Variants in NTSR2 observed in about 807,000 individuals in gnomAD.
NTSR2 encodes the protein neurotensin receptor type 2.
A neutral mutation model predicts 24.1 loss-of-function variants in NTSR2; 22 were observed. The observed-to-expected ratio is 0.91, with a 90% CI of 0.65 to 1.30. NTSR2 has a LOEUF of 1.30. Ranked by LOEUF, NTSR2 falls within the 50% of genes most tolerant of loss-of-function variation. NTSR2 has a pLI of 0.00. For synonymous variants in NTSR2, 291 were observed against 267.0 expected, an observed-to-expected ratio of 1.09 and a Z score of -0.88; for missense variants, 570 against 570.4, an observed-to-expected ratio of 1.00 and a Z score of 0.01.
At chr2:11,668,024 C>T (rs1246978110) in intron 1 of NTSR2, among the ~76,000 whole-genome samples, 1 of 152,140 alleles carries the variant, frequency 6.6e-6, no homozygotes, top group African/African-American at 2.4e-5. Flanking sequence ...GAGGATGACT[C>T]GGTGGCCTCT....
At chr2:11,662,447 GA>G (rs535336606) in intron 1 of NTSR2, among the ~76,000 whole-genome samples, 2 of 151,670 alleles carry the variant, frequency 1.3e-5, no homozygotes, top group Non-Finnish European at 2.9e-5. Flanking sequence ...GTTCCAGGAA[GA>G]AAAAAAATAG....
chr2:11,662,426 T>C (rs1661094599), intron 1 of NTSR2, among the ~76,000 whole-genome samples, 186 bp from the exon 2 acceptor site: 2 of 151,998 alleles, frequency 1.3e-5, no homozygotes, highest in African/African-American at 4.8e-5. Flanking sequence ...TATAGGATGT[T>C]CATAATAGGG....
chr2:11,667,206 A>G (rs1203898958), intron 1 of NTSR2, among the ~76,000 whole-genome samples: 1 of 152,066 alleles, frequency 6.6e-6, no homozygotes, highest in African/African-American at 2.4e-5. Flanking sequence ...CCTTGCTTCA[A>G]TTTTTTATTT....
At chr2:11,660,795 C>T (rs1176904247) in intron 2 of NTSR2, among the ~76,000 whole-genome samples, 1 of 152,198 alleles carries the variant, frequency 6.6e-6, no homozygotes, top group East Asian at 1.9e-4. Context: ...GCCTCTTGCT[C>T]CTTTAGTCCT....
chr2:11,660,792 G>C (rs1329219269), intron 2 of NTSR2, among the ~76,000 whole-genome samples: 1 of 152,182 alleles, frequency 6.6e-6, no homozygotes, highest in African/African-American at 2.4e-5. Flanking sequence ...AAAGCCTCTT[G>C]CTCCTTTAGT....
At chr2:11,660,193 C>G (rs1661042657) in intron 2 of NTSR2, 60 bp from the exon 3 acceptor site, 11 of 1,341,334 alleles carry the variant, frequency 8.2e-6, no homozygotes, top group Non-Finnish European at 1.2e-5. Context: ...TTCTCAGTTA[C>G]ACCATTGCAA....
In NTSR2 at chr2:11,658,377, G is replaced by C; in HGVS notation, c.*102C>G. ...AGCAGGGGTTGATAGAAGTCGCCCT[G>C]GCTGCGAAGCTTGAATGATTAGTGA... On this transcript the variant is annotated 3_prime_UTR_variant, in exon 4 of 4. Coordinates refer to ENST00000306928, the MANE Select transcript of NTSR2 (RefSeq NM_012344.4). The C allele has an allele frequency of 6.8e-7, 1 of 1,479,380 alleles. No individual in the cohort carries two copies. Among genetic ancestry groups the C allele is most frequent in the Non-Finnish European group, 9.1e-7 (1 of 1,104,024 alleles). 91.6% of individuals were successfully genotyped at this position (1,479,380 alleles called of 1,614,324 possible).
chr2:11,669,322 A>G (rs890096936), intron 1 of NTSR2, among the ~76,000 whole-genome samples, 184 bp downstream of exon 1: 1 of 152,202 alleles, frequency 6.6e-6, no homozygotes, highest in Non-Finnish European at 1.5e-5. Flanking sequence ...ACTTCTCTCA[A>G]TGCTTCACTT....
In NTSR2 at chr2:11,669,043, A is replaced by G. The variant is rs963187285; in HGVS notation, c.624+463T>C. Among the ~76,000 whole-genome samples the G allele has an allele frequency of 2.6e-5, 4 of 152,160 alleles. No homozygotes were observed. The South Asian group carries it at 8.3e-4, about 31-fold the overall frequency. ...AGGCTGCCAGGGAGACGGTAACAGG[A>G]AATGAGGTTAGAAGCCTGATCAGGC... On this transcript the variant is annotated intron_variant, in intron 1 of 3. Transcript: ENST00000306928.
At chr2:11,660,195 C>T in intron 2 of NTSR2, 62 bp from the exon 3 acceptor site, 1 of 1,329,616 alleles carries the variant, frequency 7.5e-7, no homozygotes, top group African/African-American at 1.4e-5. Flanking sequence ...CTCAGTTACA[C>T]CATTGCAAAG....
chr2:11,661,849 G>T, intron 2 of NTSR2, 118 bp downstream of exon 2: 1 of 916,616 alleles, frequency 1.1e-6, no homozygotes, highest in Non-Finnish European at 1.6e-6. Flanking sequence ...TGGGGCATAG[G>T]GTAAAGGAAG....
rs768989244 is a variant in NTSR2, at chr2:11,660,144, T to C, written c.899-11A>G. The C allele has an allele frequency of 6.8e-6, 11 of 1,608,888 alleles. No individual in the cohort carries two copies. The highest frequency in any genetic ancestry group is 1.7e-5 in the Admixed American group (1 of 60,018). On this transcript the variant is annotated splice_polypyrimidine_tract_variant and intron_variant, in intron 2 of 3. Coordinates refer to ENST00000306928, the MANE Select transcript of NTSR2 (RefSeq NM_012344.4). ...TGACCACGATGGCTCCTGCAGAGCA[T>C]TGGAAAGGGAGAGACAGCGCCAGGA... is the stretch of plus-strand genomic sequence containing the variant.
chr2:11,661,838 C>CT, intron 2 of NTSR2, 129 bp downstream of exon 2: 1 of 801,668 alleles, frequency 1.2e-6, no homozygotes, highest in Non-Finnish European at 1.9e-6. Context: ...TACAGTTCCC[C>CT]TGGGGCATAG....
chr2:11,670,076 G>T lies in NTSR2; in HGVS notation c.54C>A (p.Ser18Arg). The T allele has an allele frequency of 6.9e-7, 1 of 1,451,988 alleles. No individual in the cohort carries two copies. Among genetic ancestry groups the T allele is most frequent in the Non-Finnish European group, 9.0e-7 (1 of 1,110,690 alleles). The allele number at this position is 1,451,988 out of a possible 1,614,324, so 89.9% of individuals were successfully genotyped here. A position where few individuals can be genotyped will look rare whatever the true frequency, so the allele number is the denominator to read the frequency against. ...PPRPSSNPGL[S>R]LDARLGVDTR... ...TGTCCACGCCCAGCCGGGCGTCCAG[G>T]CTCAGCCCCGGGTTGGAGCTGGGCC... is the stretch of plus-strand genomic sequence containing the variant. Residue 18 changes from serine to arginine, a missense_variant, in exon 1 of 4, where the codon AGC becomes AGA. By Grantham distance (110) the Ser-to-Arg change is moderately radical (BLOSUM62 -1). Transcript: ENST00000306928.
intron 2 of NTSR2, 75 bp downstream of exon 2, chr2:11,661,892 C>A: frequency 7.2e-7 from 1 of 1,393,340 alleles, no homozygotes; most frequent in Non-Finnish European, 9.6e-7. Flanking sequence ...CTGAGGTCAC[C>A]CGGCCAGGGA....
intron 1 of NTSR2, among the ~76,000 whole-genome samples, chr2:11,663,286 G>A (rs947913047): frequency 2.6e-5 from 4 of 152,156 alleles, no homozygotes; most frequent in South Asian, 2.1e-4. Context: ...AGGACCCACC[G>A]AGGGATGGAA....
Position 11,658,584 on chromosome 2 carries a change from C to T in NTSR2, c.1128G>A (p.Leu376=). 2 of 1,614,174 alleles carry T rather than the reference C, an allele frequency of 1.2e-6. No homozygotes were observed. The highest frequency in any genetic ancestry group is 8.5e-7 in the Non-Finnish European group (1 of 1,180,040). ...RKLFLEAVSS[L]CGEHHPMKRL... ...GCTTCATGGGGTGGTGCTCTCCACA[C>T]AGGGAGCTGACGGCTTCCAGGAAGA... Residue 376 remains leucine, a synonymous_variant, in exon 4 of 4, where the codon CTG becomes CTA. Coordinates refer to ENST00000306928, the MANE Select transcript of NTSR2 (RefSeq NM_012344.4).
At position 11,658,442 on chromosome 2, in the gene NTSR2, G is replaced by C. The variant is rs1396058545; in HGVS notation, c.*37C>G. 2.6e-6 allele frequency: 4 copies of C among 1,541,716 alleles called. No individual in the cohort carries two copies. In the Admixed American group the frequency reaches 8.2e-5, roughly 31 times the overall value. ...TGCTTTGCCAGGTGACTAAGCAGCT[G>C]GTCATTTTGCTTGTTCTGTTCATTC... On this transcript the variant is annotated 3_prime_UTR_variant, in exon 4 of 4. Transcript: ENST00000306928.
chr2:11,669,460 G>GGGGGGGGGGGGGCCCCCCCCCC, intron 1 of NTSR2, 46 bp downstream of exon 1: 11 of 254,724 alleles, frequency 4.3e-5, no homozygotes, highest in Non-Finnish European at 6.2e-5. Flanking sequence ...TCCCAGCACC[G>GGGGGGGGGGGGGCCCCCCCCCC]CCCCCCCACC....
Sources: allele counts gnomAD v4.1 joint callset (sites outside exome capture counted in the v4.1 genomes callset), GRCh38; gene constraint gnomAD v4.1.1; transcripts MANE v1.5; gene names NCBI Gene and HGNC (gene_info 2026-07-23, HGNC 2026-07-21).